The following TTN variants were observed in gnomAD, a reference collection of about 807,000 sequenced individuals.
TTN encodes connectin.
In TTN, 1,525 loss-of-function variants were observed where a neutral mutation model predicts 3,223.0. The ratio of observed to expected loss-of-function variants is 0.47; its 90% CI spans 0.45 to 0.49. The LOEUF (loss-of-function observed/expected upper bound fraction) is 0.49. Ranked by LOEUF, TTN falls within the 20% of genes least tolerant of loss-of-function variation. The pLI is 0.00. For missense variants in TTN, 40,786 were observed against 43,424.0 expected (o/e 0.94, Z 5.40); for synonymous variants, 14,094 against 15,161.0 (o/e 0.93, Z 5.17).
Position 178,683,212 on chromosome 2 carries a change from T to C in TTN, c.32886A>G (p.Lys10962=). ...TTACTTAATCAAAGTTCAATATACC[T>C]TTGATGGGTTGAGGTTCTCTTTTTG... ...EAPKREPQPI[K]EVTIMEEKER... Residue 10962 remains lysine (K), a splice_region_variant and synonymous_variant, in exon 134 of 363, where the codon AAA becomes AAG. Transcript: ENST00000589042. 4 of 1,547,382 alleles carry C rather than the reference T, an allele frequency of 2.6e-6. No individual in the cohort carries two copies. The highest frequency in any genetic ancestry group is 3.5e-6 in the Non-Finnish European group (4 of 1,141,748).
chr2:178,679,706 T>C (rs754358276), intron 140 of TTN, 24 bp from the exon 141 acceptor site: 4 of 1,584,996 alleles, frequency 2.5e-6, no homozygotes, highest in Non-Finnish European at 3.4e-6. Flanking sequence ...ATTAAGAATG[T>C]TGGAAATTTT....
In TTN at chr2:178,614,171, T is replaced by A. The variant is rs2056864818; in HGVS notation, c.49226A>T (p.Asn16409Ile). ...GGGGATTAATTTGGTGGCCTTGAAG[T>A]TTGTATCCTTGACGGTGGATGAGAG... The part of the protein sequence containing the change: ...HKLSSTVKDT[N>I]FKATKLIPNK... The change falls in exon 262 of 363, where the codon AAC becomes ATC. Residue 16409 changes from asparagine (N) to isoleucine (I), a missense_variant. Asn to Ile is a moderately radical substitution (Grantham distance 149, BLOSUM62 -3). Coordinates refer to ENST00000589042, the MANE Select transcript of TTN (RefSeq NM_001267550.2). 1 of 1,612,436 alleles carries A rather than the reference T, an allele frequency of 6.2e-7. No individual in the cohort carries two copies. The highest frequency in any genetic ancestry group is 2.2e-5 in the East Asian group (1 of 44,516).
At chr2:178,692,677 C>A in intron 119 of TTN, 97 bp from the exon 120 acceptor site, 1 of 835,416 alleles carries the variant, frequency 1.2e-6, no homozygotes, top group Non-Finnish European at 1.8e-6. Flanking sequence ...CTTTTTATAC[C>A]AACTGAATGC....
intron 359 of TTN, among the ~76,000 whole-genome samples, chr2:178,529,675 C>T (rs931018281): frequency 1.3e-5 from 2 of 152,194 alleles, no homozygotes; most frequent in African/African-American, 4.8e-5. Flanking sequence ...TGTATATTCA[C>T]TGACTTTATT....
rs372570504 is a variant in TTN, at chr2:178,549,224, G to A, written c.92402C>T (p.Ala30801Val). 41 of 1,613,726 alleles carry A rather than the reference G, an allele frequency of 2.5e-5. No individual in the cohort carries two copies. In the African/African-American group the frequency reaches 5.5e-4, roughly 22 times the overall value. Residue 30801 changes from alanine (A) to valine (V), a missense_variant, in exon 339 of 363, where the codon GCA becomes GTA. By Grantham distance (64) the Ala-to-Val change is moderately conservative. Coordinates refer to ENST00000589042, the MANE Select transcript of TTN (RefSeq NM_001267550.2). ...YEFHVMAENA[A>V]GVGPASGISR... ...GATGCCACTTGCAGGTCCAACTCCT[G>A]CAGCATTTTCAGCCATGACATGGAA...
At chr2:178,705,822 A>T (rs1465967737) in intron 102 of TTN, among the ~76,000 whole-genome samples, 3 of 152,220 alleles carry the variant, frequency 2.0e-5, no homozygotes, top group African/African-American at 7.2e-5. Context: ...GAAAATGTTT[A>T]AAACAGTTGT....
In TTN at chr2:178,651,905, C is replaced by T; in HGVS notation, c.39358G>A (p.Glu13120Lys). 6.2e-7 allele frequency: 1 copy of T among 1,609,634 alleles called. No individual in the cohort carries two copies. Residue 13120 changes from glutamate to lysine, a missense_variant, in exon 205 of 363, where the codon GAG (glutamate) becomes AAG (lysine). Physicochemically the swap from Glu to Lys is moderately conservative, Grantham distance 56. Transcript: ENST00000589042. The stretch of plus-strand genomic sequence containing the variant: ...GTACCTTGTGGAGGCGCCGCTGGCT[C>T]TGGCTCTTCCACAACTTCAGCAGGA... ...EPPAEVVEEP[E>K]PAAPPQVTVP...
intron 285 of TTN, 35 bp from the exon 286 acceptor site, chr2:178,601,822 A>C (rs1456667934): frequency 1.2e-6 from 2 of 1,603,698 alleles, no homozygotes; most frequent in African/African-American, 2.7e-5. Context: ...ACATTGAATG[A>C]AATCATAGCA....
In TTN at chr2:178,663,796, AGC is replaced by A. The variant is rs756450292; in HGVS notation, c.36448+21_36448+22del. On this transcript the variant is annotated intron_variant, in intron 170 of 362. Coordinates refer to ENST00000589042, the MANE Select transcript of TTN (RefSeq NM_001267550.2). ...TCAAGAGCAAAAGAATGAGATCTGA[AGC>A]CTAAGGTCAGTGGCAACTACCTTTA... 6.8e-6 allele frequency: 11 copies of A among 1,613,256 alleles called. 1 individual carries two copies. The South Asian group carries it at 1.2e-4, about 18-fold the overall frequency.
rs778923336 is a variant in TTN, at chr2:178,723,029, A to G, written c.21961+17T>C. The G allele has an allele frequency of 9.9e-6, 16 of 1,608,338 alleles. No homozygotes were observed. In the African/African-American group the frequency reaches 1.7e-4, roughly 18 times the overall value. On this transcript the variant is annotated intron_variant, in intron 75 of 362. Transcript: ENST00000589042. ...TAGAAGAATGCAAATGATTTAAGAGACAATAAGACAACACACCTAATGTAG... is the reference window on the plus strand; with the variant it reads ...TAGAAGAATGCAAATGATTTAAGAGGCAATAAGACAACACACCTAATGTAG...
Position 178,530,275 on chromosome 2 carries a change from G to C in TTN, c.106340C>G (p.Pro35447Arg). Residue 35447 changes from proline (P) to arginine (R), a missense_variant, in exon 358 of 363, where the codon CCC becomes CGC. Pro to Arg is a moderately radical substitution (Grantham distance 103). Coordinates refer to ENST00000589042, the MANE Select transcript of TTN (RefSeq NM_001267550.2). The part of the protein sequence containing the change: ...AKFAVKATGE[P>R]RPTAIWTKDG... ...TTTTGTCCAGATGGCAGTTGGCCGG[G>C]GTTCTCCAGTAGCCTTAACTGCAAA... The C allele has an allele frequency of 7.5e-6, 12 of 1,608,968 alleles. No individual in the cohort carries two copies. The highest frequency in any genetic ancestry group is 1.0e-5 in the Non-Finnish European group (12 of 1,176,526).
rs756269381 is a variant in TTN at position 178,609,488 on chromosome 2, T to C, written c.51822A>G (p.Ser17274=). ...EIALDASISG[S]PYPTITWIKD... ...TTATCCATGTAATAGTTGGGTAAGG[T>C]GATCCAGAAATACTTGCATCAAGTG... Residue 17274 remains serine (S), a synonymous_variant, in exon 273 of 363, where the codon TCA becomes TCG. Coordinates refer to ENST00000589042, the MANE Select transcript of TTN (RefSeq NM_001267550.2). The C allele has an allele frequency of 2.5e-6, 4 of 1,612,526 alleles. No individual in the cohort carries two copies. Among genetic ancestry groups the C allele is most frequent in the Non-Finnish European group, 3.4e-6 (4 of 1,179,138 alleles).
Position 178,615,504 on chromosome 2 carries a change from G to C in TTN, c.48461-20C>G. ...GTACCGCTACAACATTTGGAAGAGA[G>C]AGTCAGTCTTACACAGGCCACCTAT... On this transcript the variant is annotated intron_variant, in intron 258 of 362. Transcript: ENST00000589042. The C allele has an allele frequency of 6.2e-7, 1 of 1,609,770 alleles. No individual in the cohort carries two copies. The highest frequency in any genetic ancestry group is 8.5e-7 in the Non-Finnish European group (1 of 1,177,412).
In TTN at chr2:178,541,508, T is replaced by C; in HGVS notation, c.97569A>G (p.Pro32523=). The change falls in exon 350 of 363, where the codon CCA becomes CCG. Residue 32523 remains proline, a synonymous_variant. Coordinates refer to ENST00000589042, the MANE Select transcript of TTN (RefSeq NM_001267550.2). ...RDGMTLTWYP[P]EDDGGSQVTG... ...TCACTTGGGAGCCACCGTCATCCTCTGGTGGGTACCAAGTAAGTGTCATGC... is the reference window on the plus strand; with the variant it reads ...TCACTTGGGAGCCACCGTCATCCTCCGGTGGGTACCAAGTAAGTGTCATGC... The C allele has an allele frequency of 6.2e-7, 1 of 1,613,278 alleles. No individual in the cohort carries two copies. The highest frequency in any genetic ancestry group is 8.5e-7 in the Non-Finnish European group (1 of 1,179,508).
Position 178,610,305 on chromosome 2 carries a change from T to A in TTN, c.51221A>T (p.Asp17074Val), listed in dbSNP as rs1553693510. The change falls in exon 271 of 363, where the codon GAT becomes GTT. Residue 17074 changes from aspartate (D) to valine (V), a missense_variant. By Grantham distance (152) the Asp-to-Val change is radical. Transcript: ENST00000589042. ...CKLTWEPPEF[D>V]GGTPILHYVL... ...ATAATGAAGAATTGGGGTTCCACCA[T>A]CAAATTCTGGAGGTTCCCAAGTTAA... The A allele has an allele frequency of 6.2e-7, 1 of 1,612,920 alleles. No homozygotes were observed. The highest frequency in any genetic ancestry group is 8.5e-7 in the Non-Finnish European group (1 of 1,179,218).
chr2:178,665,683 G>A, intron 164 of TTN, 25 bp downstream of exon 164: 2 of 1,315,992 alleles, frequency 1.5e-6, no homozygotes, highest in Non-Finnish European at 1.9e-6. Context: ...ATAAATGAAG[G>A]AAGGAATGGC....
chr2:178,700,874 G>T (rs1381206759), intron 111 of TTN, among the ~76,000 whole-genome samples: 1 of 152,038 alleles, frequency 6.6e-6, no homozygotes, highest in African/African-American at 2.4e-5. Context: ...CTCTATTAAT[G>T]TTTCAGTAAT....
rs1576454418 is a variant in TTN, at chr2:178,614,031, TCAGCTGA to T, written c.49345+14_49345+20del. Reference sequence around the variant, plus strand: ...TGACATAAGCATCCTTTTTTTTTTATCAGCTGATTGAGAAACTTACCAAACTGATATT... The same window carrying T: ...TGACATAAGCATCCTTTTTTTTTTATTTGAGAAACTTACCAAACTGATATT... On this transcript the variant is annotated intron_variant, in intron 262 of 362. Coordinates refer to ENST00000589042, the MANE Select transcript of TTN (RefSeq NM_001267550.2). 2 of 1,608,694 alleles carry T rather than the reference TCAGCTGA, an allele frequency of 1.2e-6. No individual in the cohort carries two copies. The highest frequency in any genetic ancestry group is 1.3e-5 in the African/African-American group (1 of 74,524).
At chr2:178,764,916 C>A (rs1574488283) in intron 41 of TTN, 105 bp from the exon 42 acceptor site, 2 of 1,369,324 alleles carry the variant, frequency 1.5e-6, no homozygotes, top group African/African-American at 2.9e-5. Context: ...CATCCAGAGA[C>A]AAAATTTTGG....
Sources: gnomAD v4.1 joint callset for allele counts (sites outside exome capture counted in the v4.1 genomes callset) on GRCh38, gnomAD v4.1.1 for gene constraint, MANE v1.5 for transcripts, NCBI Gene and HGNC (gene_info 2026-07-23, HGNC 2026-07-21) for gene names.